Variants in PACC1 observed in about 807,000 individuals in gnomAD.
PACC1 encodes proton-activated chloride channel.
A neutral mutation model predicts 39.7 loss-of-function variants in PACC1; 34 were observed. The observed-to-expected ratio is 0.86, with a 90% CI of 0.65 to 1.14. PACC1 has a LOEUF of 1.14. PACC1 is among the 50% of genes most tolerant of loss of function. The pLI is 0.00. For synonymous variants in PACC1, 127 were observed against 160.6 expected, an observed-to-expected ratio of 0.79 and a Z score of 1.58; for missense variants, 379 against 436.4, an observed-to-expected ratio of 0.87 and a Z score of 1.17.
intron 7 of PACC1, among the ~76,000 whole-genome samples, chr1:212,369,849 G>T (rs1660381697): frequency 6.6e-6 from 1 of 151,370 alleles, no homozygotes; most frequent in Non-Finnish European, 1.5e-5. Flanking sequence ...AAAAAAACAG[G>T]TTTAACTATA....
intron 7 of PACC1, among the ~76,000 whole-genome samples, chr1:212,372,356 C>T (rs188858852): frequency 4.6e-5 from 7 of 150,606 alleles, no homozygotes; most frequent in Admixed American, 1.3e-4. Context: ...AAGGAACATA[C>T]CACAATAAAG....
chr1:212,397,948 A>G (rs1441801177), intron 2 of PACC1, among the ~76,000 whole-genome samples: 3 of 152,180 alleles, frequency 2.0e-5, no homozygotes, highest in Admixed American at 1.3e-4. Context: ...GCTACTAACT[A>G]CTCCATGATC....
intron 4 of PACC1, 73 bp downstream of exon 4, chr1:212,385,201 G>A: frequency 1.3e-6 from 2 of 1,579,246 alleles, no homozygotes; most frequent in Admixed American, 1.7e-5. Context: ...CTAGGAAAAA[G>A]GAAACTTGGG....
chr1:212,372,522 TAAAG>T (rs1052488706), intron 7 of PACC1, among the ~76,000 whole-genome samples: 2 of 152,104 alleles, frequency 1.3e-5, no homozygotes, highest in African/African-American at 4.8e-5. Flanking sequence ...GAGAAAGAAA[TAAAG>T]GGCATCTGAA....
At chr1:212,410,769 A>G (rs1016532991) in intron 1 of PACC1, among the ~76,000 whole-genome samples, 1 of 152,220 alleles carries the variant, frequency 6.6e-6, no homozygotes, top group Non-Finnish European at 1.5e-5. Context: ...AACAACGGAA[A>G]TGTCTTCTCT....
rs1488399032 is a variant in PACC1, at chr1:212,396,805, T to G, written c.134-9705A>C. ...GCAGTGAGGGAAAAAAATATCTATC[T>G]ATCTATCTATCTATCTATCTATCTA... On this transcript the variant is annotated intron_variant, in intron 2 of 7. Transcript: ENST00000261455. Among the ~76,000 whole-genome samples, 25 of 9,452 alleles carry G rather than the reference T, an allele frequency of 2.6e-3. No homozygotes were observed. The African/African-American group carries it at 0.028, about 11-fold the overall frequency. The allele number at this position is 9,452 out of a possible 152,430, so 6.2% of individuals were successfully genotyped here.
chr1:212,367,119 G>A (rs1315058005), intron 7 of PACC1, among the ~76,000 whole-genome samples: 1 of 152,206 alleles, frequency 6.6e-6, no homozygotes, highest in Admixed American at 6.5e-5. Flanking sequence ...TAGAGGAGGT[G>A]GAGCCAGATG....
chr1:212,393,604 G>A (rs1259003355), intron 2 of PACC1, among the ~76,000 whole-genome samples: 2 of 152,134 alleles, frequency 1.3e-5, no homozygotes, highest in Non-Finnish European at 2.9e-5. Flanking sequence ...AACTGAAGGA[G>A]ACTGAGACAC....
rs558616016 is a variant in PACC1 at position 212,403,724 on chromosome 1, C to T, written c.133+6701G>A. 5.9e-5 allele frequency among the ~76,000 whole-genome samples: 9 copies of T among 152,152 alleles called. No individual in the cohort carries two copies. The East Asian group carries it at 1.7e-3, about 29-fold the overall frequency. The stretch of plus-strand genomic sequence containing the variant: ...GGATTACAGATGCATGCCATCATGC[C>T]CAACTAATTTTTGTGTTTTTTGTAG... On this transcript the variant is annotated intron_variant, in intron 2 of 7. Coordinates refer to ENST00000261455, the MANE Select transcript of PACC1 (RefSeq NM_018252.3).
intron 2 of PACC1, among the ~76,000 whole-genome samples, chr1:212,392,537 T>C (rs1330497837): frequency 1.3e-5 from 2 of 152,302 alleles, no homozygotes; most frequent in East Asian, 3.9e-4. Flanking sequence ...CATCAACTAA[T>C]GAGCAAAATA....
chr1:212,412,150 A>G (rs1233749321), intron 1 of PACC1, among the ~76,000 whole-genome samples: 1 of 152,074 alleles, frequency 6.6e-6, no homozygotes, highest in East Asian at 1.9e-4. Flanking sequence ...TCAAAAAAAA[A>G]AAAGAAAGAA....
chr1:212,370,267 C>A (rs1338434951), intron 7 of PACC1, among the ~76,000 whole-genome samples: 1 of 152,198 alleles, frequency 6.6e-6, no homozygotes, highest in Non-Finnish European at 1.5e-5. Flanking sequence ...GTGATTGAGA[C>A]CATCCTGGCT....
chr1:212,381,600 G>A (rs770978492), intron 4 of PACC1, among the ~76,000 whole-genome samples: 1 of 151,864 alleles, frequency 6.6e-6, no homozygotes, highest in Non-Finnish European at 1.5e-5. Context: ...AAGAAAAGGG[G>A]ACTCATTCAA....
intron 2 of PACC1, among the ~76,000 whole-genome samples, chr1:212,393,473 A>G (rs915022177): frequency 2.6e-5 from 4 of 152,256 alleles, no homozygotes; most frequent in Non-Finnish European, 5.9e-5. Flanking sequence ...AAATGCCCAC[A>G]AGAGAAAGCA....
chr1:212,407,159 G>A (rs111459019), intron 2 of PACC1, among the ~76,000 whole-genome samples: 6 of 152,182 alleles, frequency 3.9e-5, no homozygotes, highest in African/African-American at 9.7e-5. Context: ...GGGTGGGCCC[G>A]ATGTGATCAC....
At chr1:212,382,764 T>C (rs977417609) in intron 4 of PACC1, among the ~76,000 whole-genome samples, 2 of 152,194 alleles carry the variant, frequency 1.3e-5, no homozygotes, top group African/African-American at 4.8e-5. Flanking sequence ...TGGCACAAGC[T>C]GTGCAGCCAC....
intron 2 of PACC1, among the ~76,000 whole-genome samples, chr1:212,408,400 ACC>A (rs1662002348): frequency 6.6e-6 from 1 of 150,494 alleles, no homozygotes; most frequent in Non-Finnish European, 1.5e-5. Context: ...CACTCTTGTC[ACC>A]CAGGCTAGAG....
intron 5 of PACC1, among the ~76,000 whole-genome samples, chr1:212,378,007 C>T (rs1042916054): frequency 1.3e-5 from 2 of 152,196 alleles, no homozygotes; most frequent in South Asian, 2.1e-4. Flanking sequence ...TCATTCCTAT[C>T]GATGGCTACC....
In PACC1 at chr1:212,379,939, GGC is replaced by G; in HGVS notation, c.592_593del (p.Ala198HisfsTer2). The G allele has an allele frequency of 6.2e-7, 1 of 1,614,234 alleles. No homozygotes were observed. The highest frequency in any genetic ancestry group is 8.5e-7 in the Non-Finnish European group (1 of 1,180,036). On this transcript the variant is annotated frameshift_variant, in exon 5 of 8. Transcript: ENST00000261455. LOFTEE classifies it high-confidence loss of function. ...AAGAAGAGAAGAGGAGGTAATCAAT[GGC>G]GCTGAAGTCCTCACTACTCTTGTTC... ...RLNKSSEDFS[A>X]IDYLLFSSFQ...
Sources: gnomAD v4.1 joint callset for allele counts (sites outside exome capture counted in the v4.1 genomes callset) on GRCh38, gnomAD v4.1.1 for gene constraint, MANE v1.5 for transcripts, NCBI Gene and HGNC (gene_info 2026-07-23, HGNC 2026-07-21) for gene names.